The following CDH9 variants were observed in gnomAD, a reference collection of about 807,000 sequenced individuals.
CDH9 encodes cadherin-9.
Under a neutral mutation model 70.9 loss-of-function variants are expected in CDH9, and 28 were observed. The ratio of observed to expected loss-of-function variants is 0.40; its 90% CI spans 0.29 to 0.54. The LOEUF (loss-of-function observed/expected upper bound fraction) is 0.54, where lower values mean the gene tolerates loss of function less well. Among genes scored for constraint, CDH9 ranks in the 20% least tolerant of loss-of-function variants. The probability of loss-of-function intolerance (pLI) is 0.59; values close to 1 mark genes in which losing one functional copy is unlikely to be tolerated. For missense variants in CDH9, 874 were observed against 984.4 expected, an observed-to-expected ratio of 0.89 and a Z score of 1.50; for synonymous variants, 409 against 343.1, an observed-to-expected ratio of 1.19 and a Z score of -2.12.
At chr5:26,927,296 C>T (rs1741360279) in intron 2 of CDH9, among the ~76,000 whole-genome samples, 1 of 151,886 alleles carries the variant, frequency 6.6e-6, no homozygotes, top group Admixed American at 6.6e-5. Flanking sequence ...AGCTAGTATA[C>T]TGGGGAAAAA....
At position 26,902,744 on chromosome 5, in the gene CDH9, C is replaced by T; in HGVS notation, c.1000-15G>A. 6.9e-7 allele frequency: 1 copy of T among 1,450,174 alleles called. No homozygotes were observed. The highest frequency in any genetic ancestry group is 2.3e-5 in the East Asian group (1 of 43,768). The allele number at this position is 1,450,174 out of a possible 1,614,324, so 89.8% of individuals were successfully genotyped here. A position where few individuals can be genotyped will look rare whatever the true frequency, so the allele number is the denominator to read the frequency against. Reference sequence around the variant, plus strand: ...AAATCTAAATTCTGGAGTTAAATAACATAAAAGAAATTAGCATAATTCAGA... The same window carrying T: ...AAATCTAAATTCTGGAGTTAAATAATATAAAAGAAATTAGCATAATTCAGA... On this transcript the variant is annotated splice_polypyrimidine_tract_variant and intron_variant, in intron 6 of 11. Coordinates refer to ENST00000231021, the MANE Select transcript of CDH9 (RefSeq NM_016279.4).
At chr5:27,004,854 C>T (rs1250581511) in intron 1 of CDH9, among the ~76,000 whole-genome samples, 7 of 152,066 alleles carry the variant, frequency 4.6e-5, no homozygotes, top group Admixed American at 4.6e-4. Context: ...CTAGAATTTA[C>T]AGCAGATTTT....
chr5:26,980,472 A>T (rs1561027279), intron 2 of CDH9, among the ~76,000 whole-genome samples: 1 of 152,018 alleles, frequency 6.6e-6, no homozygotes, highest in Non-Finnish European at 1.5e-5. Context: ...GTTTAAAGAA[A>T]GTTAGATATT....
At chr5:26,903,606 C>T (rs977213201) in intron 6 of CDH9, 31 bp downstream of exon 6, 1 of 1,410,338 alleles carries the variant, frequency 7.1e-7, no homozygotes, top group Non-Finnish European at 1.0e-6. Context: ...ATAAAGCACT[C>T]AATGAAAAGA....
intron 2 of CDH9, among the ~76,000 whole-genome samples, chr5:26,977,694 A>G (rs534681375): frequency 6.6e-6 from 1 of 152,176 alleles, no homozygotes; most frequent in African/African-American, 2.4e-5. Flanking sequence ...GAAAGGAGAA[A>G]GATCCAGGAA....
At chr5:26,979,225 G>A (rs569093540) in intron 2 of CDH9, among the ~76,000 whole-genome samples, 18 of 151,416 alleles carry the variant, frequency 1.2e-4, no homozygotes, top group Non-Finnish European at 2.5e-4. Flanking sequence ...ATAGAACAAA[G>A]TCTTGCAAGA....
chr5:26,925,140 A>G (rs1208406178), intron 2 of CDH9, among the ~76,000 whole-genome samples: 1 of 152,120 alleles, frequency 6.6e-6, no homozygotes, highest in African/African-American at 2.4e-5. Context: ...GTCTTCCACA[A>G]TGGTTGAATT....
intron 1 of CDH9, among the ~76,000 whole-genome samples, chr5:26,993,333 G>A (rs1231964117): frequency 6.6e-6 from 1 of 152,068 alleles, no homozygotes; most frequent in African/African-American, 2.4e-5. Flanking sequence ...AGAATACATA[G>A]CTAAAGAGAT....
intron 2 of CDH9, among the ~76,000 whole-genome samples, chr5:26,947,708 G>A (rs1035112947): frequency 6.6e-6 from 1 of 152,166 alleles, no homozygotes; most frequent in African/African-American, 2.4e-5. Flanking sequence ...TGCTGTTTTA[G>A]AGAGCATGGC....
intron 2 of CDH9, among the ~76,000 whole-genome samples, chr5:26,934,944 AAC>A (rs1491226915): frequency 1.2e-3 from 188 of 152,132 alleles, no homozygotes; most frequent in Non-Finnish European, 2.5e-3. Flanking sequence ...AAAAAAAAAA[AAC>A]ACAGACCAGT....
chr5:26,973,866 T>A (rs1365001766), intron 2 of CDH9, among the ~76,000 whole-genome samples: 2 of 152,164 alleles, frequency 1.3e-5, no homozygotes, highest in East Asian at 3.8e-4. Flanking sequence ...ATGCCCCCAT[T>A]TTAATTATCT....
At chr5:26,990,937 T>C (rs1049157560) in intron 1 of CDH9, among the ~76,000 whole-genome samples, 3 of 152,160 alleles carry the variant, frequency 2.0e-5, no homozygotes, top group African/African-American at 7.2e-5. Context: ...ATAATCTAGT[T>C]TTATGAGATG....
At chr5:26,919,479 A>C (rs1405504266) in intron 2 of CDH9, among the ~76,000 whole-genome samples, 1 of 152,126 alleles carries the variant, frequency 6.6e-6, no homozygotes, top group Non-Finnish European at 1.5e-5. Flanking sequence ...AATAAACTTG[A>C]AGGGCCGTCT....
intron 2 of CDH9, among the ~76,000 whole-genome samples, chr5:26,971,912 T>G (rs1742226065): frequency 6.6e-6 from 1 of 152,098 alleles, no homozygotes; most frequent in Non-Finnish European, 1.5e-5. Flanking sequence ...CTTTTAAATC[T>G]CAACAGGATT....
intron 2 of CDH9, among the ~76,000 whole-genome samples, chr5:26,956,272 C>T (rs957507923): frequency 2.6e-5 from 4 of 152,146 alleles, no homozygotes; most frequent in Admixed American, 2.6e-4. Context: ...CTCTTGTCTG[C>T]TGCTTTTTAC....
intron 2 of CDH9, among the ~76,000 whole-genome samples, chr5:26,986,138 C>A (rs1303218452): frequency 6.6e-6 from 1 of 151,878 alleles, no homozygotes; most frequent in African/African-American, 2.4e-5. Flanking sequence ...ATTTCATATA[C>A]ATATTATTTC....
intron 1 of CDH9, among the ~76,000 whole-genome samples, chr5:27,009,810 A>T (rs1742926801): frequency 6.6e-6 from 1 of 152,106 alleles, no homozygotes; most frequent in Non-Finnish European, 1.5e-5. Flanking sequence ...TCATGTGTCA[A>T]GAGATATGCC....
intron 1 of CDH9, among the ~76,000 whole-genome samples, chr5:26,996,484 A>G (rs1050872329): frequency 6.6e-5 from 10 of 151,922 alleles, no homozygotes; most frequent in African/African-American, 2.4e-4. Flanking sequence ...TGTCTCTCAT[A>G]CCAGTTGGGG....
At chr5:26,905,525 G>A (rs1561190003) in intron 5 of CDH9, among the ~76,000 whole-genome samples, 1 of 152,132 alleles carries the variant, frequency 6.6e-6, no homozygotes, top group Non-Finnish European at 1.5e-5. Flanking sequence ...AAGTCTGCGT[G>A]TAAAACAAGG....
Sources: allele counts gnomAD v4.1 joint callset (sites outside exome capture counted in the v4.1 genomes callset), GRCh38; gene constraint gnomAD v4.1.1; transcripts MANE v1.5; gene names NCBI Gene and HGNC (gene_info 2026-07-23, HGNC 2026-07-21).